Variants in TUT4 observed in about 807,000 individuals in gnomAD.
TUT4 encodes the protein terminal uridylyltransferase 4.
A neutral mutation model predicts 192.2 loss-of-function variants in TUT4; 36 were observed. That is an observed-to-expected ratio of 0.19 (90% CI 0.14 to 0.25). TUT4 has a LOEUF of 0.25. Among genes scored for constraint, TUT4 ranks in the 10% least tolerant of loss-of-function variants. The probability of loss-of-function intolerance (pLI) is 1.00; values close to 1 mark genes in which losing one functional copy is unlikely to be tolerated. For missense variants in TUT4, 1,493 were observed against 1,957.2 expected (o/e 0.76, Z 4.47); for synonymous variants, 618 against 666.0 (o/e 0.93, Z 1.11).
chr1:52,464,932 A>G (rs1030270225), intron 16 of TUT4, 138 bp downstream of exon 16: 23 of 571,636 alleles, frequency 4.0e-5, no homozygotes, highest in Non-Finnish European at 6.5e-5. Context: ...TACTGTTTTC[A>G]TATTTCAAAC....
chr1:52,500,877 G>A (rs567957535), intron 4 of TUT4, among the ~76,000 whole-genome samples: 10 of 151,940 alleles, frequency 6.6e-5, no homozygotes, highest in East Asian at 1.9e-4. Flanking sequence ...AGGCTACAGC[G>A]AGCCATGACT....
chr1:52,528,273 T>C lies in TUT4; in HGVS notation c.-93-1900A>G, dbSNP rs914894044. The stretch of plus-strand genomic sequence containing the variant: ...ATTTTGGGAGGCCGAGGCTGGCGGA[T>C]TGAGTCCAGGAGTTCAAGACCAGCC... On this transcript the variant is annotated intron_variant, in intron 1 of 29. Transcript: ENST00000257177. 4.0e-5 allele frequency among the ~76,000 whole-genome samples: 6 copies of C among 150,308 alleles called. No individual in the cohort carries two copies. The East Asian group carries it at 8.0e-4, about 20-fold the overall frequency.
chr1:52,514,833 A>T (rs556301810), intron 3 of TUT4: 1 of 144,088 alleles, frequency 6.9e-6, no homozygotes, highest in East Asian at 2.0e-4. Context: ...GCTGGTGTGC[A>T]GTGGCACAAT....
At chr1:52,546,191 T>G (rs898912999) in intron 1 of TUT4, among the ~76,000 whole-genome samples, 4 of 152,058 alleles carry the variant, frequency 2.6e-5, no homozygotes, top group African/African-American at 9.7e-5. Flanking sequence ...ATCCAATAAT[T>G]TCACTTCTGG....
chr1:52,544,542 C>A (rs1438923014), intron 1 of TUT4, among the ~76,000 whole-genome samples: 2 of 152,070 alleles, frequency 1.3e-5, no homozygotes, highest in Non-Finnish European at 2.9e-5. Context: ...GGATCAAAGA[C>A]CTAAGAAACC....
At chr1:52,541,774 A>G (rs996361096) in intron 1 of TUT4, among the ~76,000 whole-genome samples, 1 of 152,222 alleles carries the variant, frequency 6.6e-6, no homozygotes, top group Non-Finnish European at 1.5e-5. Context: ...CAATGAGCAC[A>G]CTCAAGAAAA....
intron 9 of TUT4, among the ~76,000 whole-genome samples, chr1:52,483,064 G>A (rs1668901951): frequency 6.6e-6 from 1 of 152,098 alleles, no homozygotes; most frequent in Non-Finnish European, 1.5e-5. Context: ...GTATTATCCT[G>A]TGCATACACC....
intron 14 of TUT4, among the ~76,000 whole-genome samples, chr1:52,471,001 C>A (rs1665590650): frequency 6.9e-6 from 1 of 145,474 alleles, no homozygotes. Context: ...AAATTATGCA[C>A]TCTATGCTTT....
intron 13 of TUT4, 36 bp downstream of exon 13, chr1:52,474,796 C>CA (rs1424637626): frequency 6.6e-7 from 1 of 1,515,406 alleles, no homozygotes; most frequent in South Asian, 1.3e-5. Context: ...ACAACAACCA[C>CA]AAAATCTTAC....
At chr1:52,545,193 T>C (rs961191536) in intron 1 of TUT4, among the ~76,000 whole-genome samples, 5 of 151,736 alleles carry the variant, frequency 3.3e-5, no homozygotes, top group Non-Finnish European at 5.9e-5. Context: ...CTGGCCAACA[T>C]GGTGAAATTC....
chr1:52,485,497 A>G (rs1375417820), intron 9 of TUT4, among the ~76,000 whole-genome samples: 1 of 152,196 alleles, frequency 6.6e-6, no homozygotes, highest in Non-Finnish European at 1.5e-5. Context: ...AATGTACAAC[A>G]TCAATGGTGA....
At chr1:52,510,111 A>G (rs1571119177) in intron 3 of TUT4, among the ~76,000 whole-genome samples, 1 of 152,092 alleles carries the variant, frequency 6.6e-6, no homozygotes, top group Admixed American at 6.6e-5. Flanking sequence ...CAGGAGTTGA[A>G]GACAAGACTG....
chr1:52,515,548 T>C, intron 3 of TUT4: 1 of 389,942 alleles, frequency 2.6e-6, no homozygotes, highest in Non-Finnish European at 4.6e-6. Flanking sequence ...ATAAACGACA[T>C]GTAAACAAAT....
chr1:52,499,247 A>G (rs941693436), intron 4 of TUT4, among the ~76,000 whole-genome samples: 2 of 151,874 alleles, frequency 1.3e-5, no homozygotes, highest in African/African-American at 4.8e-5. Flanking sequence ...AAAAATACAA[A>G]AATTAGCCAG....
intron 27 of TUT4, 106 bp from the exon 28 acceptor site, chr1:52,431,566 G>A: frequency 1.1e-6 from 1 of 883,474 alleles, no homozygotes; most frequent in Non-Finnish European, 1.6e-6. Flanking sequence ...AGAACTCTAT[G>A]ATGTATATCA....
rs568505446 is a variant in TUT4, at chr1:52,508,293, C to T, written c.999+1303G>A. Among the ~76,000 whole-genome samples, 226 of 148,202 alleles carry T rather than the reference C, an allele frequency of 1.5e-3. 1 individual carries two copies. Among genetic ancestry groups the T allele is most frequent in the Middle Eastern group, 6.9e-3 (2 of 288 alleles). ...AGTGAGCCAAGATTGCACCACTGAA[C>T]TCCAGCCTGGAAGACAGAGTGAGAC... On this transcript the variant is annotated intron_variant, in intron 4 of 29. Coordinates refer to ENST00000257177, the MANE Select transcript of TUT4 (RefSeq NM_001009881.3).
At chr1:52,537,023 G>T (rs1229566298) in intron 1 of TUT4, among the ~76,000 whole-genome samples, 2 of 151,796 alleles carry the variant, frequency 1.3e-5, no homozygotes, top group Non-Finnish European at 2.9e-5. Context: ...AGCCGGGCAT[G>T]GTGGCGTGCG....
chr1:52,533,785 G>A (rs569263336), intron 1 of TUT4, among the ~76,000 whole-genome samples: 5 of 152,166 alleles, frequency 3.3e-5, no homozygotes, highest in South Asian at 2.1e-4. Flanking sequence ...CTGGCATGGC[G>A]AAATCTCGTC....
chr1:52,503,848 T>A (rs1007501960), intron 4 of TUT4, among the ~76,000 whole-genome samples: 2 of 152,246 alleles, frequency 1.3e-5, no homozygotes, highest in African/African-American at 4.8e-5. Flanking sequence ...ATCTATTCAC[T>A]GTTCTTCCTC....
Sources: gnomAD v4.1 joint callset for allele counts (sites outside exome capture counted in the v4.1 genomes callset) on GRCh38, gnomAD v4.1.1 for gene constraint, MANE v1.5 for transcripts, NCBI Gene and HGNC (gene_info 2026-07-23, HGNC 2026-07-21) for gene names.